The following DNAJA4 variants were observed in gnomAD, a reference collection of about 807,000 sequenced individuals.
DNAJA4 encodes DnaJ heat shock protein family (Hsp40) member A4.
In DNAJA4, 32 loss-of-function variants were observed where a neutral mutation model predicts 39.7. The observed-to-expected ratio is 0.81, with a 90% CI of 0.61 to 1.08. The LOEUF (loss-of-function observed/expected upper bound fraction) is 1.08, where lower values mean the gene tolerates loss of function less well. Ranked by LOEUF, DNAJA4 falls within the 50% of genes least tolerant of loss-of-function variation. The pLI is 0.00. For missense variants in DNAJA4, 439 were observed against 505.1 expected (o/e 0.87, Z 1.25); for synonymous variants, 184 against 182.4 (o/e 1.01, Z -0.07).
In DNAJA4 at chr15:78,273,332, G is replaced by A. The variant is rs1440840354; in HGVS notation, c.418+133G>A. On this transcript the variant is annotated intron_variant, in intron 3 of 6. Coordinates refer to ENST00000394852, the MANE Select transcript of DNAJA4 (RefSeq NM_001130182.2). Reference sequence around the variant, plus strand: ...GGTCAAGCAGAGATTACAAACAGGTGGCCTGAGGGCCACACTTCTTTGCCT... The same window carrying A: ...GGTCAAGCAGAGATTACAAACAGGTAGCCTGAGGGCCACACTTCTTTGCCT... The A allele has an allele frequency of 6.3e-6, 4 of 630,166 alleles. No individual in the cohort carries two copies. The East Asian group carries it at 9.1e-5, about 14-fold the overall frequency. The allele number at this position is 630,166 out of a possible 1,614,324, so 39.0% of individuals were successfully genotyped here.
At chr15:78,278,958 C>T (rs1458459904) in intron 5 of DNAJA4, among the ~76,000 whole-genome samples, 2 of 148,862 alleles carry the variant, frequency 1.3e-5, no homozygotes, top group Non-Finnish European at 3.0e-5. Context: ...CGTGAGCCAC[C>T]GTGCCTGGCC....
In DNAJA4 at chr15:78,274,391, G is replaced by T. The variant is rs761862769; in HGVS notation, c.613G>T (p.Glu205Ter). 4.3e-6 allele frequency: 7 copies of T among 1,614,066 alleles called. No individual in the cohort carries two copies. In the East Asian group the frequency reaches 1.6e-4, roughly 36 times the overall value. The change falls in exon 4 of 7, where the codon GAG becomes TAG. Residue 205 changes from glutamate to a stop codon, truncating the protein, a stop_gained. Transcript: ENST00000394852. LOFTEE classifies it high-confidence loss of function. ...CTGCAGCGGGGCCAAGGTGATCCGT[G>T]AGAAGAAGATTATCGAGGTACATGT... Reference protein sequence around the residue: ...ESCSGAKVIREKKIIEVHVEK... With the variant: ...ESCSGAKVIR
intron 1 of DNAJA4, chr15:78,265,617 T>C: frequency 2.8e-6 from 2 of 702,366 alleles, no homozygotes; most frequent in South Asian, 3.0e-5. Context: ...GTTAAAAGCT[T>C]TTCCATCCTG....
chr15:78,273,028 A>G (rs973407812), intron 2 of DNAJA4, 67 bp from the exon 3 acceptor site: 6 of 919,198 alleles, frequency 6.5e-6, no homozygotes, highest in Admixed American at 3.8e-5. Context: ...TAAGGGTCAT[A>G]TGGGTGGTAT....
intron 1 of DNAJA4, chr15:78,266,219 C>T (rs2049118723): frequency 6.2e-7 from 1 of 1,613,680 alleles, no homozygotes; most frequent in South Asian, 1.1e-5. Flanking sequence ...TCTAATTTCA[C>T]ATTTCAGCAA....
chr15:78,266,614 C>A (rs1198898654), intron 1 of DNAJA4, among the ~76,000 whole-genome samples: 1 of 152,202 alleles, frequency 6.6e-6, no homozygotes, highest in Non-Finnish European at 1.5e-5. Flanking sequence ...CTCTTTAGTT[C>A]TCAGCTAAAA....
intron 1 of DNAJA4, 198 bp from the exon 2 acceptor site, chr15:78,270,299 T>C (rs544853781): frequency 1.8e-6 from 1 of 560,986 alleles, no homozygotes; most frequent in East Asian, 3.0e-5. Context: ...TCCCTTAATA[T>C]GTTTGCCCTG....
intron 5 of DNAJA4, chr15:78,277,864 T>C (rs1351831799): frequency 2.8e-6 from 1 of 358,114 alleles, no homozygotes; most frequent in East Asian, 7.4e-5. Context: ...TAAGGAAGGG[T>C]GGAGCATCCA....
Position 78,280,299 on chromosome 15 carries a change from G to A in DNAJA4, c.1033G>A (p.Ala345Thr). 1 of 1,614,228 alleles carries A rather than the reference G, an allele frequency of 6.2e-7. No individual in the cohort carries two copies. Among genetic ancestry groups the A allele is most frequent in the South Asian group, 1.1e-5 (1 of 91,088 alleles). Residue 345 changes from alanine (A) to threonine (T), a missense_variant, in exon 7 of 7, where the codon GCT (alanine) becomes ACT (threonine). Physicochemically the swap from Ala to Thr is moderately conservative, Grantham distance 58. Coordinates refer to ENST00000394852, the MANE Select transcript of DNAJA4 (RefSeq NM_001130182.2). ...TCTGGAAAAGCTTCCTCAGCTGGAA[G>A]CTTTACTCCCTCCTCGACAGAAAGT... Reference protein sequence around the residue: ...LSLEKLPQLEALLPPRQKVRI... With the variant: ...LSLEKLPQLETLLPPRQKVRI...
At chr15:78,278,936 T>C (rs2049567821) in intron 5 of DNAJA4, among the ~76,000 whole-genome samples, 1 of 149,070 alleles carries the variant, frequency 6.7e-6, no homozygotes, top group African/African-American at 2.5e-5. Context: ...CCCAAAGTGC[T>C]GGGATTACAG....
intron 2 of DNAJA4, 30 bp from the exon 3 acceptor site, chr15:78,273,065 C>T (rs373501580): frequency 1.9e-5 from 24 of 1,259,092 alleles, no homozygotes; most frequent in Admixed American, 5.2e-5. Context: ...TTTCATTCAA[C>T]GCCACTAATT....
intron 5 of DNAJA4, 31 bp from the exon 6 acceptor site, chr15:78,280,014 C>T: frequency 3.7e-6 from 6 of 1,607,700 alleles, no homozygotes; most frequent in Non-Finnish European, 5.1e-6. Flanking sequence ...CCTCTGCCTT[C>T]CTCCTTCCTA....
chr15:78,275,531 GAGA>G lies in DNAJA4; in HGVS notation c.683_685del (p.Glu228del). The stretch of plus-strand genomic sequence containing the variant: ...GATGGGCAAAAGATACTATTTCATG[GAGA>G]AGGAGATCAGGAGCCTGAGCTGGAG... On this transcript the variant is annotated inframe_deletion, in exon 5 of 7. Transcript: ENST00000394852. 2 of 1,614,198 alleles carry G rather than the reference GAGA, an allele frequency of 1.2e-6. No homozygotes were observed. Among genetic ancestry groups the G allele is most frequent in the Non-Finnish European group, 1.7e-6 (2 of 1,180,004 alleles).
chr15:78,265,586 C>T (rs754654160), intron 1 of DNAJA4: 1 of 702,338 alleles, frequency 1.4e-6, no homozygotes, highest in Non-Finnish European at 2.6e-6. Context: ...ACTGAAAATG[C>T]TCTGCATTTT....
In DNAJA4 at chr15:78,270,572, C is replaced by G; in HGVS notation, c.208C>G (p.Gln70Glu). Residue 70 changes from glutamine to glutamate, a missense_variant, in exon 2 of 7, where the codon CAG becomes GAG. By Grantham distance (29) the Gln-to-Glu change is conservative. Coordinates refer to ENST00000394852, the MANE Select transcript of DNAJA4 (RefSeq NM_001130182.2). ...KRDVYDQGGE[Q>E]AIKEGGSGSP... ...GGATGTTTATGACCAAGGCGGAGAGCAGGCAATTAAAGAAGGAGGCTCAGG... is the reference window on the plus strand; with the variant it reads ...GGATGTTTATGACCAAGGCGGAGAGGAGGCAATTAAAGAAGGAGGCTCAGG... The G allele has an allele frequency of 6.2e-7, 1 of 1,614,178 alleles. No individual in the cohort carries two copies.
In DNAJA4 at chr15:78,273,289, T is replaced by C. The variant is rs1014597509; in HGVS notation, c.418+90T>C. On this transcript the variant is annotated intron_variant, in intron 3 of 6. Coordinates refer to ENST00000394852, the MANE Select transcript of DNAJA4 (RefSeq NM_001130182.2). The stretch of plus-strand genomic sequence containing the variant: ...TTTATAGTTCAGGGAAAATAAGTTA[T>C]CTTTTTTCAAATGCAAGGGTCAAGC... 17 of 851,794 alleles carry C rather than the reference T, an allele frequency of 2.0e-5. No homozygotes were observed. The African/African-American group carries it at 2.6e-4, about 13-fold the overall frequency. 52.8% of individuals were successfully genotyped at this position (851,794 alleles called of 1,614,324 possible).
At chr15:78,268,179 C>T (rs1012737761) in intron 1 of DNAJA4, among the ~76,000 whole-genome samples, 7 of 152,092 alleles carry the variant, frequency 4.6e-5, no homozygotes, top group East Asian at 1.9e-4. Flanking sequence ...TTCCGGTGGA[C>T]GTTCCCATGA....
rs906714106 is a variant in DNAJA4 at position 78,280,591 on chromosome 15, C to T, written c.*131C>T. 6.6e-5 allele frequency: 49 copies of T among 741,786 alleles called. No individual in the cohort carries two copies. Among genetic ancestry groups the T allele is most frequent in the Non-Finnish European group, 9.5e-5 (45 of 474,264 alleles). 46.0% of individuals were successfully genotyped at this position (741,786 alleles called of 1,614,324 possible). A position where few individuals can be genotyped will look rare whatever the true frequency, so the allele number is the denominator to read the frequency against. Reference sequence around the variant, plus strand: ...TGTATGTGTTCAGCATTCTTAATTGCTGAGTGTCTTTTTGGCTTTTCTTTT... The same window carrying T: ...TGTATGTGTTCAGCATTCTTAATTGTTGAGTGTCTTTTTGGCTTTTCTTTT... On this transcript the variant is annotated 3_prime_UTR_variant, in exon 7 of 7. Transcript: ENST00000394852.
chr15:78,275,771 G>A, intron 5 of DNAJA4, 43 bp downstream of exon 5: 2 of 1,425,146 alleles, frequency 1.4e-6, no homozygotes, highest in Non-Finnish European at 1.9e-6. Context: ...CTGTATGTTT[G>A]GCATAATAAT....
Sources: allele counts gnomAD v4.1 joint callset (sites outside exome capture counted in the v4.1 genomes callset), GRCh38; gene constraint gnomAD v4.1.1; transcripts MANE v1.5; gene names NCBI Gene and HGNC (gene_info 2026-07-23, HGNC 2026-07-21).